The following LILRB2 variants were observed in gnomAD, a reference collection of about 807,000 sequenced individuals.
The protein encoded by LILRB2 is leukocyte immunoglobulin-like receptor subfamily B member 2.
In LILRB2, 47 loss-of-function variants were observed where a neutral mutation model predicts 72.7. The ratio of observed to expected loss-of-function variants is 0.65; its 90% CI spans 0.51 to 0.82. The LOEUF (loss-of-function observed/expected upper bound fraction) is 0.82. Among genes scored for constraint, LILRB2 ranks in the 40% least tolerant of loss-of-function variants. The pLI is 0.00. For missense variants in LILRB2, 767 were observed against 764.8 expected (o/e 1.00, Z -0.03); for synonymous variants, 279 against 313.7 (o/e 0.89, Z 1.17).
At chr19:54,280,418 AG>A in intron 2 of LILRB2, 44 bp downstream of exon 2, 2 of 1,613,768 alleles carry the variant, frequency 1.2e-6, no homozygotes, top group Non-Finnish European at 1.7e-6. Context: ...CTGTGGGGTG[AG>A]GTCCCTCCTA....
At chr19:54,277,838 T>C (rs1434342925) in intron 8 of LILRB2, 51 bp downstream of exon 8, 2 of 1,452,054 alleles carry the variant, frequency 1.4e-6, no homozygotes, top group Non-Finnish European at 1.9e-6. Context: ...CACTCAAAGC[T>C]GCCCTGGGGG....
chr19:54,279,447 C>T lies in LILRB2; in HGVS notation c.556G>A (p.Val186Met), dbSNP rs755735810. 4.8e-5 allele frequency: 77 copies of T among 1,614,104 alleles called. No individual in the cohort carries two copies. Among genetic ancestry groups the T allele is most frequent in the Admixed American group, 2.2e-4 (13 of 60,010 alleles). The change falls in exon 5 of 14, where the codon GTG becomes ATG. Residue 186 changes from valine (V) to methionine (M), a missense_variant. Physicochemically the swap from Val to Met is conservative, Grantham distance 21. Transcript: ENST00000314446. ...TGCGACCACCTGCGATTCGGGCTCA[C>T]GGGGCCCACGGAGAAGATGGCGCGG... Reference protein sequence around the residue: ...SSRAIFSVGPVSPNRRWSHRC... With the variant: ...SSRAIFSVGPMSPNRRWSHRC...
Position 54,279,008 on chromosome 19 carries a change from T to A in LILRB2, c.759A>T (p.Arg253Ser). 6.2e-7 allele frequency: 1 copy of A among 1,614,156 alleles called. No homozygotes were observed. Among genetic ancestry groups the A allele is most frequent in the Non-Finnish European group, 8.5e-7 (1 of 1,180,018 alleles). The part of the protein sequence containing the change: ...LQCVSDVGYD[R>S]FVLYKEGERD... ...GTTCCCCCTCCTTGTACAGAACAAATCTGTCATAGCCGACATCAGAGACAC... is the reference window on the plus strand; with the variant it reads ...GTTCCCCCTCCTTGTACAGAACAAAACTGTCATAGCCGACATCAGAGACAC... The change falls in exon 6 of 14, where the codon AGA becomes AGT. Residue 253 changes from arginine (R) to serine (S), a missense_variant. Around this residue, in one of 3 missense-constraint regions of LILRB2, gnomAD observed 599 missense variants for 568.2 expected, o/e 1.05. Coordinates refer to ENST00000314446, the MANE Select transcript of LILRB2 (RefSeq NM_001080978.4).
chr19:54,280,775 ACTGT>A (rs1237638175), intron 1 of LILRB2, 182 bp downstream of exon 1: 9 of 772,064 alleles, frequency 1.2e-5, no homozygotes, highest in Non-Finnish European at 1.9e-5. Context: ...ACCCCCAGCC[ACTGT>A]CTGTCTGGTT....
chr19:54,279,933 T>C lies in LILRB2; in HGVS notation c.213A>G (p.Thr71=), dbSNP rs368096484. 2.5e-4 allele frequency: 407 copies of C among 1,613,946 alleles called. No homozygotes were observed. Among genetic ancestry groups the C allele is most frequent in the Non-Finnish European group, 3.2e-4 (376 of 1,179,994 alleles). Residue 71 remains threonine, a synonymous_variant, in exon 4 of 14, where the codon ACA becomes ACG. Transcript: ENST00000314446. ...YREKKSASWI[T]RIRPELVKNG... ...TCTTCACAAGCTCTGGTCGTATCCG[T>C]GTAATCCAAGATGCTGATTTTTTCT... is the stretch of plus-strand genomic sequence containing the variant.
rs772331653 is a variant in LILRB2 at position 54,278,251 on chromosome 19, G to C, written c.1258+9C>G. 1.1e-4 allele frequency: 176 copies of C among 1,613,864 alleles called. 2 individuals are homozygous for C. The highest frequency in any genetic ancestry group is 3.9e-4 in the African/African-American group (29 of 75,040). On this transcript the variant is annotated intron_variant, in intron 7 of 13. Coordinates refer to ENST00000314446, the MANE Select transcript of LILRB2 (RefSeq NM_001080978.4). ...TTGAGCTCAGAGAGGACAGGGTCAA[G>C]GCCCCCACCTGAGACCACGAGCTCC... is the stretch of plus-strand genomic sequence containing the variant.
At position 54,279,660 on chromosome 19, in the gene LILRB2, G is replaced by A. The variant is rs374446910; in HGVS notation, c.356-13C>T. ...TTTGGGTAGGCTCCTAGGAGAGAAG[G>A]AGGCATCGTGTTAAATGGGGCTCCC... On this transcript the variant is annotated splice_polypyrimidine_tract_variant and intron_variant, in intron 4 of 13. Transcript: ENST00000314446. The A allele has an allele frequency of 2.5e-6, 4 of 1,602,052 alleles. No individual in the cohort carries two copies. Among genetic ancestry groups the A allele is most frequent in the South Asian group, 2.2e-5 (2 of 90,234 alleles).
In LILRB2 at chr19:54,279,519, C is replaced by A. The variant is rs770800883; in HGVS notation, c.484G>T (p.Glu162Ter). ...GFILCKEGED[E>*]HPQCLNSQPH... ...TGGGAGTTCAGGCATTGTGGGTGTT[C>A]ATCTTCTCCTTCCTTACACAGAATG... The change falls in exon 5 of 14, where the codon GAA (glutamate) becomes TAA (stop). Residue 162 changes from glutamate to a stop codon, truncating the protein, a stop_gained. Transcript: ENST00000314446. LOFTEE classifies it high-confidence loss of function. 1 of 1,614,086 alleles carries A rather than the reference C, an allele frequency of 6.2e-7. No homozygotes were observed. The highest frequency in any genetic ancestry group is 1.7e-5 in the Admixed American group (1 of 60,014).
rs1207946391 is a variant in LILRB2, at chr19:54,276,421, C to T, written c.1516G>A (p.Ala506Thr). 6.3e-7 allele frequency: 1 copy of T among 1,599,988 alleles called. No homozygotes were observed. Among genetic ancestry groups the T allele is most frequent in the Admixed American group, 1.7e-5 (1 of 59,374 alleles). ...RKADFQHPAG[A>T]VGPEPTDRGL... ...CTGTCTGTGGGCTCTGGCCCCACAG[C>T]CCCTGCAGGATGTTGGAAATCAGCC... The change falls in exon 11 of 14, where the codon GCT (alanine) becomes ACT (threonine). Residue 506 changes from alanine (A) to threonine (T), a missense_variant. Around this residue, in one of 3 missense-constraint regions of LILRB2, gnomAD observed 162 missense variants for 176.7 expected, o/e 0.92. Coordinates refer to ENST00000314446, the MANE Select transcript of LILRB2 (RefSeq NM_001080978.4).
Position 54,276,006 on chromosome 19 carries a change from G to A in LILRB2, c.1595-3C>T, listed in dbSNP as rs1232037335. ...CTGTGTGTCCTTCACGGCAGCATCT[G>A]CTGGGGCAGAGCAAGGGGTTCGTCT... On this transcript the variant is annotated splice_region_variant and splice_polypyrimidine_tract_variant and intron_variant, in intron 12 of 13. Coordinates refer to ENST00000314446, the MANE Select transcript of LILRB2 (RefSeq NM_001080978.4). 1 of 1,614,074 alleles carries A rather than the reference G, an allele frequency of 6.2e-7. No homozygotes were observed. Among genetic ancestry groups the A allele is most frequent in the Non-Finnish European group, 8.5e-7 (1 of 1,179,952 alleles).
chr19:54,279,449 G>T lies in LILRB2; in HGVS notation c.554C>A (p.Pro185His), dbSNP rs2080436996. 1 of 1,614,086 alleles carries T rather than the reference G, an allele frequency of 6.2e-7. No individual in the cohort carries two copies. The highest frequency in any genetic ancestry group is 1.3e-5 in the African/African-American group (1 of 74,926). The part of the protein sequence containing the change: ...GSSRAIFSVG[P>H]VSPNRRWSHR... ...CGACCACCTGCGATTCGGGCTCACG[G>T]GGCCCACGGAGAAGATGGCGCGGGA... Residue 185 changes from proline (P) to histidine (H), a missense_variant, in exon 5 of 14, where the codon CCC becomes CAC. Coordinates refer to ENST00000314446, the MANE Select transcript of LILRB2 (RefSeq NM_001080978.4).
Position 54,279,996 on chromosome 19 carries a change from CT to C in LILRB2, c.149del (p.Gln50ArgfsTer29). On this transcript the variant is annotated frameshift_variant, in exon 4 of 14. Transcript: ENST00000314446. LOFTEE classifies it high-confidence loss of function. Reference protein sequence around the residue: ...TQGSPVTLSCQGSLEAQEYRL... With the variant: ...TQGSPVTLSCXGSLEAQEYRL... ...GGTACTCCTGGGCTTCAAGGCTCCC[CT>C]GACAACTGAGGGTGACGGGACTCCC... 6.2e-7 allele frequency: 1 copy of C among 1,614,158 alleles called. No individual in the cohort carries two copies. Among genetic ancestry groups the C allele is most frequent in the South Asian group, 1.1e-5 (1 of 91,084 alleles).
chr19:54,276,406 G>A lies in LILRB2; in HGVS notation c.1531C>T (p.Pro511Ser). The A allele has an allele frequency of 6.2e-7, 1 of 1,601,102 alleles. No individual in the cohort carries two copies. The highest frequency in any genetic ancestry group is 2.2e-5 in the East Asian group (1 of 44,534). The change falls in exon 11 of 14, where the codon CCC (proline) becomes TCC (serine). Residue 511 changes from proline to serine, a missense_variant. Coordinates refer to ENST00000314446, the MANE Select transcript of LILRB2 (RefSeq NM_001080978.4). ...CTCCACTGCAGGCCTCTGTCTGTGG[G>A]CTCTGGCCCCACAGCCCCTGCAGGA... ...QHPAGAVGPE[P>S]TDRGLQWRSS...
intron 4 of LILRB2, 67 bp from the exon 5 acceptor site, chr19:54,279,714 T>A: frequency 6.2e-7 from 1 of 1,606,438 alleles, no homozygotes; most frequent in South Asian, 1.1e-5. Context: ...AGGGCTGGGC[T>A]GTGAGAGGGA....
rs772331653 is a variant in LILRB2, at chr19:54,278,251, G to A, written c.1258+9C>T. The A allele has an allele frequency of 1.2e-5, 19 of 1,614,012 alleles. No individual in the cohort carries two copies. Among genetic ancestry groups the A allele is most frequent in the Non-Finnish European group, 1.6e-5 (19 of 1,179,932 alleles). On this transcript the variant is annotated intron_variant, in intron 7 of 13. Transcript: ENST00000314446. ...TTGAGCTCAGAGAGGACAGGGTCAA[G>A]GCCCCCACCTGAGACCACGAGCTCC...
chr19:54,280,660 C>G, intron 1 of LILRB2, 116 bp from the exon 2 acceptor site: 2 of 811,690 alleles, frequency 2.5e-6, no homozygotes, highest in Admixed American at 5.8e-5. Context: ...ACACAAGAAG[C>G]GGAACTGCCC....
In LILRB2 at chr19:54,279,442, G is replaced by A. The variant is rs1283582277; in HGVS notation, c.561C>T (p.Ser187=). 6.2e-7 allele frequency: 1 copy of A among 1,614,196 alleles called. No homozygotes were observed. The highest frequency in any genetic ancestry group is 1.1e-5 in the South Asian group (1 of 91,084). ...ACCTGTGCGACCACCTGCGATTCGGGCTCACGGGGCCCACGGAGAAGATGG... is the reference window on the plus strand; with the variant it reads ...ACCTGTGCGACCACCTGCGATTCGGACTCACGGGGCCCACGGAGAAGATGG... ...SRAIFSVGPV[S]PNRRWSHRCY... Residue 187 remains serine (S), a synonymous_variant, in exon 5 of 14, where the codon AGC becomes AGT. Transcript: ENST00000314446.
rs770078885 is a variant in LILRB2 at position 54,280,525 on chromosome 19, G to A, written c.-29C>T. On this transcript the variant is annotated 5_prime_UTR_variant, in exon 2 of 14. Coordinates refer to ENST00000314446, the MANE Select transcript of LILRB2 (RefSeq NM_001080978.4). ...GTCTCCTCCCACTGCCCTGCTCTGC[G>A]GATGGATGAGCCCTCGGTGCTGGCG... 20 of 1,613,938 alleles carry A rather than the reference G, an allele frequency of 1.2e-5. No homozygotes were observed. Among genetic ancestry groups the A allele is most frequent in the Middle Eastern group, 3.3e-4 (2 of 6,060 alleles).
chr19:54,278,845 C>T lies in LILRB2; in HGVS notation c.922G>A (p.Ala308Thr). 1 of 1,612,898 alleles carries T rather than the reference C, an allele frequency of 6.2e-7. No individual in the cohort carries two copies. Among genetic ancestry groups the T allele is most frequent in the Non-Finnish European group, 8.5e-7 (1 of 1,179,594 alleles). Residue 308 changes from alanine (A) to threonine (T), a missense_variant, in exon 6 of 14, where the codon GCC (alanine) becomes ACC (threonine). Ala to Thr is a moderately conservative substitution (Grantham distance 58). Around this residue, in one of 3 missense-constraint regions of LILRB2, gnomAD observed 599 missense variants for 568.2 expected, o/e 1.05. Coordinates refer to ENST00000314446, the MANE Select transcript of LILRB2 (RefSeq NM_001080978.4). ...GAHNLSSECS[A>T]PSDPLDILIT... ...AGGATGTCCAGGGGGTCGCTGGGGG[C>T]CGAGCACTCAGAGGAGAGGTTGTGT...
Sources: gnomAD v4.1 joint callset for allele counts on GRCh38, gnomAD v4.1.1 for gene constraint, gnomAD v4.1.1 regional missense constraint, MANE v1.5 for transcripts, NCBI Gene and HGNC (gene_info 2026-07-23, HGNC 2026-07-21) for gene names.